ADAMTS17: variants seen among roughly 807,000 people sequenced by gnomAD.
ADAMTS17 encodes the protein ADAM metallopeptidase with thrombospondin type 1 motif 17, also known as A disintegrin and metalloproteinase with thrombospondin motifs 17.
In ADAMTS17, 113 loss-of-function variants were observed where a neutral mutation model predicts 141.5. That is an observed-to-expected ratio of 0.80 (90% CI 0.69 to 0.93). The LOEUF is 0.93. Ranked by LOEUF, ADAMTS17 falls within the 40% of genes least tolerant of loss-of-function variation. The probability of loss-of-function intolerance (pLI) is 0.00; values close to 1 mark genes in which losing one functional copy is unlikely to be tolerated. For synonymous variants in ADAMTS17, 768 were observed against 630.6 expected (o/e 1.22, Z -3.27); for missense variants, 1,659 against 1,517.9 (o/e 1.09, Z -1.54).
chr15:100,189,429 G>C (rs938025384), intron 8 of ADAMTS17, among the ~76,000 whole-genome samples: 5 of 152,150 alleles, frequency 3.3e-5, no homozygotes, highest in African/African-American at 1.2e-4. Context: ...AGCAGTTTCT[G>C]ACATCCCTGG....
intron 8 of ADAMTS17, among the ~76,000 whole-genome samples, chr15:100,186,390 G>A (rs191700159): frequency 1.1e-4 from 16 of 152,270 alleles, no homozygotes; most frequent in African/African-American, 3.8e-4. Flanking sequence ...TACTATTATA[G>A]GATGGGGTGA....
At chr15:100,165,451 C>T (rs2039911714) in intron 8 of ADAMTS17, among the ~76,000 whole-genome samples, 1 of 152,186 alleles carries the variant, frequency 6.6e-6, no homozygotes, top group Non-Finnish European at 1.5e-5. Flanking sequence ...TATGAACACG[C>T]AATGACACAG....
rs1178795727 is a variant in ADAMTS17 at position 99,996,221 on chromosome 15, AT to A, written c.2796+1163del. Among the ~76,000 whole-genome samples the A allele has an allele frequency of 3.3e-4, 50 of 152,114 alleles. 2 individuals carry two copies. The highest frequency in any genetic ancestry group is 1.2e-4 in the Non-Finnish European group (8 of 68,022). On this transcript the variant is annotated intron_variant, in intron 19 of 21. Transcript: ENST00000268070. ...AGGCATGCGCCACCATGCCCGGCTA[AT>A]TTTTTGTATTTAGTAGAGACAGGAT...
At chr15:100,141,050 G>A (rs76640823) in intron 10 of ADAMTS17, among the ~76,000 whole-genome samples, 5,281 of 152,298 alleles carry the variant, frequency 0.035, 117 homozygotes, top group South Asian at 0.079. Flanking sequence ...TTGAGTTGCG[G>A]TGGAAAGTCA....
chr15:100,062,040 T>TCA (rs2033161269), intron 15 of ADAMTS17, among the ~76,000 whole-genome samples: 1 of 152,210 alleles, frequency 6.6e-6, no homozygotes, highest in African/African-American at 2.4e-5. Flanking sequence ...AAAGAGGCTG[T>TCA]CACTTTGAAG....
At chr15:100,024,398 G>C (rs968617938) in intron 18 of ADAMTS17, among the ~76,000 whole-genome samples, 9 of 152,290 alleles carry the variant, frequency 5.9e-5, no homozygotes, top group African/African-American at 1.9e-4. Context: ...ATATTACTCT[G>C]TCATATAGAT....
intron 15 of ADAMTS17, among the ~76,000 whole-genome samples, chr15:100,089,516 T>C (rs549062764): frequency 5.9e-5 from 9 of 151,278 alleles, no homozygotes; most frequent in Non-Finnish European, 1.3e-4. Flanking sequence ...CATGCTGCTA[T>C]AAAGACACAT....
intron 14 of ADAMTS17, 82 bp downstream of exon 14, chr15:100,108,898 CCTGAGACCT>C: frequency 1.9e-6 from 3 of 1,605,206 alleles, no homozygotes; most frequent in Non-Finnish European, 2.5e-6. Flanking sequence ...CCCTAGGCCT[CCTGAGACCT>C]CTGCTCTACC....
rs1424851664 is a variant in ADAMTS17 at position 100,341,093 on chromosome 15, G to A, written c.396C>T (p.Leu132=). The change falls in exon 2 of 22, where the codon CTC becomes CTT. Residue 132 remains leucine, a synonymous_variant. Coordinates refer to ENST00000268070, the MANE Select transcript of ADAMTS17 (RefSeq NM_139057.4). ...GCGAGACGAGGGAGCCGGGGTGGCC[G>A]AGCACACGGCCCGAGTAGAAGCACA... ...AELCFYSGRV[L]GHPGSLVSLS... The A allele has an allele frequency of 6.6e-7, 1 of 1,517,508 alleles. No individual in the cohort carries two copies. Among genetic ancestry groups the A allele is most frequent in the Non-Finnish European group, 8.8e-7 (1 of 1,138,348 alleles). The allele number at this position is 1,517,508 out of a possible 1,614,324, so 94.0% of individuals were successfully genotyped here.
intron 7 of ADAMTS17, among the ~76,000 whole-genome samples, chr15:100,211,601 G>C (rs1045019792): frequency 6.6e-6 from 1 of 152,104 alleles, no homozygotes; most frequent in Non-Finnish European, 1.5e-5. Flanking sequence ...AGGAAGCAAA[G>C]ATCATAAAAA....
intron 15 of ADAMTS17, among the ~76,000 whole-genome samples, chr15:100,075,904 G>A (rs139048390): frequency 3.9e-5 from 6 of 152,140 alleles, no homozygotes; most frequent in African/African-American, 1.4e-4. Flanking sequence ...CGTAGACCTG[G>A]TTTCTGTGAT....
intron 20 of ADAMTS17, chr15:99,978,622 G>A (rs1254763021): frequency 2.0e-5 from 3 of 152,270 alleles, no homozygotes. Flanking sequence ...GAAGTTTGAG[G>A]AGTGCTGAGG....
chr15:100,261,759 C>T (rs2043526490), intron 5 of ADAMTS17, 123 bp from the exon 6 acceptor site: 3 of 1,153,000 alleles, frequency 2.6e-6, no homozygotes, highest in Non-Finnish European at 2.5e-6. Context: ...TGATGACTCA[C>T]GGCCCTCGAA....
chr15:100,216,367 C>T (rs1487198705), intron 7 of ADAMTS17, among the ~76,000 whole-genome samples: 1 of 152,204 alleles, frequency 6.6e-6, no homozygotes, highest in East Asian at 1.9e-4. Context: ...AGTTTAGTTG[C>T]CAGCGTAGAG....
rs115443062 is a variant in ADAMTS17 at position 100,182,856 on chromosome 15, C to T, written c.1181+16462G>A. Among the ~76,000 whole-genome samples, 593 of 152,288 alleles carry T rather than the reference C, an allele frequency of 3.9e-3. 7 individuals are homozygous for T. Among genetic ancestry groups the T allele is most frequent in the African/African-American group, 8.5e-3 (354 of 41,556 alleles). ...TAGTGTGAATTTCTTAGAGCTTATC[C>T]TATTTGGGATTCACTCAGCTTCTTG... On this transcript the variant is annotated intron_variant, in intron 8 of 21. Transcript: ENST00000268070.
At chr15:100,108,288 C>A (rs898350739) in intron 14 of ADAMTS17, among the ~76,000 whole-genome samples, 1 of 152,088 alleles carries the variant, frequency 6.6e-6, no homozygotes, top group Non-Finnish European at 1.5e-5. Context: ...TCTCCTGCCT[C>A]AGCCTCCCGA....
intron 18 of ADAMTS17, among the ~76,000 whole-genome samples, chr15:100,009,379 C>G (rs953254616): frequency 1.2e-4 from 18 of 152,162 alleles, no homozygotes; most frequent in Non-Finnish European, 1.9e-4. Context: ...CTAGCCTCAT[C>G]ATGACCCTGA....
chr15:100,238,100 C>A (rs551473388), intron 7 of ADAMTS17, among the ~76,000 whole-genome samples: 4 of 152,302 alleles, frequency 2.6e-5, no homozygotes, highest in African/African-American at 9.6e-5. Context: ...TGGTGGGGAC[C>A]CTGCCTTTGC....
At chr15:100,194,752 T>C (rs571374932) in intron 8 of ADAMTS17, among the ~76,000 whole-genome samples, 1 of 152,186 alleles carries the variant, frequency 6.6e-6, no homozygotes, top group Non-Finnish European at 1.5e-5. Flanking sequence ...CAAGGCACGC[T>C]GTCCTGGTTT....
Sources: allele counts gnomAD v4.1 joint callset (sites outside exome capture counted in the v4.1 genomes callset), GRCh38; gene constraint gnomAD v4.1.1; transcripts MANE v1.5; gene names NCBI Gene and HGNC (gene_info 2026-07-23, HGNC 2026-07-21).